Variants in RGS20 observed in about 807,000 individuals in gnomAD.
RGS20 encodes regulator of G protein signaling 20.
In RGS20, 30 loss-of-function variants were observed where a neutral mutation model predicts 33.6. That is an observed-to-expected ratio of 0.89 (90% CI 0.67 to 1.21). The LOEUF (loss-of-function observed/expected upper bound fraction) is 1.21. Ranked by LOEUF, RGS20 falls within the 50% of genes most tolerant of loss-of-function variation. The pLI, the probability that RGS20 is intolerant of heterozygous loss-of-function variation, is 0.00. For missense variants in RGS20, 472 were observed against 502.4 expected (o/e 0.94, Z 0.58); for synonymous variants, 208 against 197.9 (o/e 1.05, Z -0.43).
intron 1 of RGS20, among the ~76,000 whole-genome samples, chr8:53,858,000 C>T (rs1315357257): frequency 6.6e-6 from 1 of 151,722 alleles, no homozygotes; most frequent in East Asian, 1.9e-4. Context: ...TAAATATATG[C>T]AATTATTATG....
intron 3 of RGS20, 93 bp from the exon 3 acceptor site, chr8:53,946,572 C>A: frequency 9.7e-7 from 1 of 1,033,408 alleles, no homozygotes; most frequent in Non-Finnish European, 1.5e-6. Flanking sequence ...TCTATTAATA[C>A]TTGGGGATCT....
intron 2 of RGS20, among the ~76,000 whole-genome samples, chr8:53,911,784 CA>C (rs1335249174): frequency 1.3e-5 from 2 of 151,808 alleles, no homozygotes; most frequent in Admixed American, 6.6e-5. Flanking sequence ...ACTAAAAATA[CA>C]AAAAAATTAG....
intron 1 of RGS20, among the ~76,000 whole-genome samples, chr8:53,863,621 C>A (rs1007178470): frequency 3.9e-5 from 6 of 152,084 alleles, no homozygotes; most frequent in Non-Finnish European, 7.4e-5. Context: ...GTACACCCTG[C>A]CACCAAGCAA....
chr8:53,867,892 T>A (rs1007760112), intron 1 of RGS20, among the ~76,000 whole-genome samples: 1 of 152,050 alleles, frequency 6.6e-6, no homozygotes, highest in Non-Finnish European at 1.5e-5. Context: ...CTGTCTAATT[T>A]TTTTGTATTT....
intron 1 of RGS20, among the ~76,000 whole-genome samples, chr8:53,859,744 C>A (rs1585859826): frequency 6.6e-6 from 1 of 152,128 alleles, no homozygotes; most frequent in East Asian, 1.9e-4. Context: ...GGAGCCCTCA[C>A]AATCATGGTG....
chr8:53,862,958 A>T (rs1249101479), intron 1 of RGS20, among the ~76,000 whole-genome samples: 1 of 152,134 alleles, frequency 6.6e-6, no homozygotes, highest in Non-Finnish European at 1.5e-5. Context: ...GAAATCGGGA[A>T]CCAGAGAGCT....
intron 2 of RGS20, among the ~76,000 whole-genome samples, chr8:53,926,692 A>T (rs1813807072): frequency 6.6e-6 from 1 of 152,158 alleles, no homozygotes; most frequent in Non-Finnish European, 1.5e-5. Context: ...CAGGCGGATC[A>T]CTTGAGGTCA....
intron 2 of RGS20, among the ~76,000 whole-genome samples, chr8:53,895,109 A>C (rs1476180975): frequency 6.6e-6 from 1 of 151,912 alleles, no homozygotes; most frequent in Non-Finnish European, 1.5e-5. Context: ...AGTAGCGGGG[A>C]TGCAGTGCAG....
chr8:53,880,903 G>A (rs1812347836), intron 2 of RGS20: 3 of 1,526,360 alleles, frequency 2.0e-6, no homozygotes, highest in Non-Finnish European at 2.6e-6. Context: ...CGGGAGAAGA[G>A]GGCTAGAGCA....
At position 53,877,217 on chromosome 8, in the gene RGS20, G is replaced by A. The variant is rs890505806; in HGVS notation, c.166-2041G>A. The stretch of plus-strand genomic sequence containing the variant: ...GTAGGGTCGGGAAGGCCGTGGGTGG[G>A]CTCAGTCAGGCTTTAGGTCGCCAGG... On this transcript the variant is annotated intron_variant, in intron 1 of 5. Transcript: ENST00000297313. This position sits in a 1 kb window ranked among gnomAD's most constrained non-coding sequence, Gnocchi z 5.7. Among the ~76,000 whole-genome samples, 4 of 152,192 alleles carry A rather than the reference G, an allele frequency of 2.6e-5. No homozygotes were observed. The highest frequency in any genetic ancestry group is 9.7e-5 in the African/African-American group (4 of 41,446).
At chr8:53,902,374 G>A (rs886065382) in intron 2 of RGS20, among the ~76,000 whole-genome samples, 2 of 152,166 alleles carry the variant, frequency 1.3e-5, no homozygotes, top group African/African-American at 4.8e-5. Flanking sequence ...TACTTTTGGT[G>A]CAACGTTCTC....
chr8:53,875,442 A>C (rs1291350957), intron 1 of RGS20, among the ~76,000 whole-genome samples: 2 of 148,832 alleles, frequency 1.3e-5, no homozygotes, highest in African/African-American at 5.0e-5. Context: ...AAAAAAAAAA[A>C]AAAAAAAACC....
chr8:53,909,125 G>C lies in RGS20; in HGVS notation c.510+29523G>C, dbSNP rs548802334. Among the ~76,000 whole-genome samples, 858 of 145,770 alleles carry C rather than the reference G, an allele frequency of 5.9e-3. 6 individuals carry two copies. The highest frequency in any genetic ancestry group is 0.01 in the Non-Finnish European group (679 of 66,988). On this transcript the variant is annotated intron_variant, in intron 2 of 5. Coordinates refer to ENST00000297313, the MANE Select transcript of RGS20 (RefSeq NM_170587.4). Reference sequence around the variant, plus strand: ...TCCTGATTTGACACAGAGAAGTTGGGGTGACCTGCCTGTGGTCATACAGGT... The same window carrying C: ...TCCTGATTTGACACAGAGAAGTTGGCGTGACCTGCCTGTGGTCATACAGGT...
Position 53,959,126 on chromosome 8 carries a change from T to C in RGS20, c.*668T>C, listed in dbSNP as rs910252760. 2.0e-5 allele frequency: 3 copies of C among 152,198 alleles called. No homozygotes were observed. The highest frequency in any genetic ancestry group is 2.1e-4 in the South Asian group (1 of 4,828). The allele number at this position is 152,198 out of a possible 1,614,324, so 9.4% of individuals were successfully genotyped here. On this transcript the variant is annotated 3_prime_UTR_variant, in exon 6 of 6. Coordinates refer to ENST00000297313, the MANE Select transcript of RGS20 (RefSeq NM_170587.4). ...CAGCAGTGCTTAGAAAATTCTTTTG[T>C]TGAAAAGAGTTACTGTTATTATCAG...
chr8:53,911,809 T>C (rs193019957), intron 2 of RGS20, among the ~76,000 whole-genome samples: 121 of 152,160 alleles, frequency 8.0e-4, no homozygotes, highest in African/African-American at 2.7e-3. Context: ...GTCATGGTGG[T>C]GTGTGCCGGT....
chr8:53,946,544 C>T, intron 3 of RGS20, 121 bp from the exon 3 acceptor site: 12 of 847,524 alleles, frequency 1.4e-5, no homozygotes, highest in Non-Finnish European at 2.0e-5. Flanking sequence ...ATTTTTTTTT[C>T]CAAGTAGAGG....
chr8:53,926,960 A>G (rs1489299385), intron 2 of RGS20, among the ~76,000 whole-genome samples: 1 of 152,154 alleles, frequency 6.6e-6, no homozygotes, highest in African/African-American at 2.4e-5. Flanking sequence ...TAGTTAGGTT[A>G]AAACTTTTTT....
chr8:53,935,425 C>T (rs1563415012), intron 2 of RGS20, among the ~76,000 whole-genome samples: 1 of 152,124 alleles, frequency 6.6e-6, no homozygotes, highest in African/African-American at 2.4e-5. Context: ...AAGCAGATAT[C>T]ACCACTGATC....
chr8:53,883,633 G>A (rs1002100890), intron 2 of RGS20, among the ~76,000 whole-genome samples: 1 of 152,056 alleles, frequency 6.6e-6, no homozygotes, highest in East Asian at 1.9e-4. Context: ...TGTGAAATGG[G>A]GGTAATAAGA....
Sources: allele counts gnomAD v4.1 joint callset (sites outside exome capture counted in the v4.1 genomes callset), GRCh38; gene constraint gnomAD v4.1.1; non-coding constraint Gnocchi (gnomAD v3.1); transcripts MANE v1.5; gene names NCBI Gene and HGNC (gene_info 2026-07-23, HGNC 2026-07-21).